ECHDC1: variants seen among roughly 807,000 people sequenced by gnomAD.
ECHDC1 encodes ethylmalonyl-CoA decarboxylase.
A neutral mutation model predicts 29.7 loss-of-function variants in ECHDC1; 29 were observed. The ratio of observed to expected loss-of-function variants is 0.98; its 90% CI spans 0.73 to 1.33. The LOEUF (loss-of-function observed/expected upper bound fraction) is 1.33, where lower values mean the gene tolerates loss of function less well. Ranked by LOEUF, ECHDC1 falls within the 40% of genes most tolerant of loss-of-function variation. The pLI is 0.00. For missense variants in ECHDC1, 328 were observed against 350.0 expected (o/e 0.94, Z 0.50); for synonymous variants, 126 against 123.1 (o/e 1.02, Z -0.15).
intron 1 of ECHDC1, among the ~76,000 whole-genome samples, chr6:127,339,228 G>C (rs1784699485): frequency 6.7e-6 from 1 of 150,134 alleles, no homozygotes; most frequent in African/African-American, 2.5e-5. Flanking sequence ...CTTATTAAAG[G>C]TAATGATATT....
chr6:127,291,869 G>A (rs948623756), intron 5 of ECHDC1, among the ~76,000 whole-genome samples: 2 of 151,982 alleles, frequency 1.3e-5, no homozygotes, highest in Non-Finnish European at 2.9e-5. Context: ...ATGAACAATT[G>A]CTTCTAGAGG....
At chr6:127,332,045 AAATAT>A (rs1386489692) in intron 1 of ECHDC1, among the ~76,000 whole-genome samples, 4 of 151,330 alleles carry the variant, frequency 2.6e-5, no homozygotes, top group Non-Finnish European at 5.9e-5. Context: ...AAAGTATATA[AAATAT>A]AAGTTACAGT....
intron 5 of ECHDC1, among the ~76,000 whole-genome samples, chr6:127,295,731 A>G (rs1780545399): frequency 6.6e-6 from 1 of 152,248 alleles, no homozygotes; most frequent in Non-Finnish European, 1.5e-5. Flanking sequence ...TGAACACTGC[A>G]TATCCTTTCA....
chr6:127,307,648 G>GAAAAAAAAAAAAAAAAAAAAAAAAAAAA (rs71024770), intron 5 of ECHDC1, among the ~76,000 whole-genome samples: 3 of 48,664 alleles, frequency 6.2e-5, no homozygotes, highest in Admixed American at 2.7e-4. Flanking sequence ...CTCTGTCTCA[G>GAAAAAAAAAAAAAAAAAAAAAAAAAAAA]AAAAAAAAAA....
intron 4 of ECHDC1, chr6:127,315,252 A>G: frequency 2.4e-6 from 1 of 420,614 alleles, no homozygotes; most frequent in Non-Finnish European, 4.6e-6. Flanking sequence ...GCTCTTCAGA[A>G]TAATTCCATG....
intron 5 of ECHDC1, among the ~76,000 whole-genome samples, chr6:127,308,798 C>A (rs148856151): frequency 3.3e-5 from 5 of 152,116 alleles, no homozygotes; most frequent in Admixed American, 2.0e-4. Context: ...AAATCAGTAG[C>A]TTTTCTATAT....
chr6:127,326,504 T>C (rs746086405), intron 3 of ECHDC1: 2 of 455,938 alleles, frequency 4.4e-6, no homozygotes, highest in Middle Eastern at 3.3e-4. Context: ...ACCATAGGAA[T>C]ATAAGATGTT....
chr6:127,340,147 A>G (rs1474046807), intron 1 of ECHDC1, among the ~76,000 whole-genome samples: 3 of 152,262 alleles, frequency 2.0e-5, no homozygotes, highest in Non-Finnish European at 2.9e-5. Flanking sequence ...CATATAATAC[A>G]TATCGTATAA....
At chr6:127,321,959 C>T (rs1782861289) in intron 3 of ECHDC1, among the ~76,000 whole-genome samples, 2 of 152,038 alleles carry the variant, frequency 1.3e-5, no homozygotes, top group African/African-American at 4.8e-5. Context: ...GCCAAGATCA[C>T]ACCACTGTAC....
intron 5 of ECHDC1, among the ~76,000 whole-genome samples, chr6:127,310,837 G>C (rs1781840870): frequency 6.6e-6 from 1 of 152,004 alleles, no homozygotes; most frequent in African/African-American, 2.4e-5. Context: ...AGTTTAAGAA[G>C]TTGTCACATC....
chr6:127,291,998 TAAAAC>T (rs889918739), intron 5 of ECHDC1, among the ~76,000 whole-genome samples: 1 of 152,126 alleles, frequency 6.6e-6, no homozygotes, highest in Non-Finnish European at 1.5e-5. Flanking sequence ...ACTGCCTTGT[TAAAAC>T]AATATCAAAA....
intron 5 of ECHDC1, among the ~76,000 whole-genome samples, chr6:127,290,889 C>T (rs1352671128): frequency 6.6e-6 from 1 of 151,924 alleles, no homozygotes; most frequent in East Asian, 1.9e-4. Flanking sequence ...GAAAATGAGG[C>T]AGGAGACAAA....
intron 1 of ECHDC1, among the ~76,000 whole-genome samples, chr6:127,335,836 T>C (rs1223046941): frequency 6.6e-6 from 1 of 152,124 alleles, no homozygotes; most frequent in Non-Finnish European, 1.5e-5. Context: ...AATGTCTTCA[T>C]CTATTGGCAA....
intron 1 of ECHDC1, among the ~76,000 whole-genome samples, chr6:127,335,990 G>A (rs1340420925): frequency 6.6e-6 from 1 of 151,984 alleles, no homozygotes; most frequent in African/African-American, 2.4e-5. Flanking sequence ...AAGGCCTCCT[G>A]AAGAACTAGA....
chr6:127,306,075 A>G (rs989061128), intron 5 of ECHDC1, among the ~76,000 whole-genome samples: 2 of 152,084 alleles, frequency 1.3e-5, no homozygotes, highest in African/African-American at 4.8e-5. Context: ...TCACCTATAA[A>G]GACACACGAA....
intron 1 of ECHDC1, among the ~76,000 whole-genome samples, chr6:127,338,241 T>C (rs565804905): frequency 3.2e-4 from 49 of 152,306 alleles, no homozygotes; most frequent in African/African-American, 1.1e-3. Flanking sequence ...ACCCCATTGT[T>C]AGCGATTTCA....
chr6:127,319,107 T>C (rs969157624), intron 3 of ECHDC1, among the ~76,000 whole-genome samples: 1 of 152,198 alleles, frequency 6.6e-6, no homozygotes, highest in Admixed American at 6.5e-5. Context: ...TATTAGCCTG[T>C]GTACTATTAT....
intron 1 of ECHDC1, among the ~76,000 whole-genome samples, chr6:127,335,990 G>C (rs1340420925): frequency 6.6e-6 from 1 of 151,984 alleles, no homozygotes; most frequent in Non-Finnish European, 1.5e-5. Flanking sequence ...AAGGCCTCCT[G>C]AAGAACTAGA....
intron 5 of ECHDC1, among the ~76,000 whole-genome samples, chr6:127,296,971 C>T (rs1780654414): frequency 1.3e-5 from 2 of 151,940 alleles, no homozygotes; most frequent in African/African-American, 4.8e-5. Flanking sequence ...TACCACTATA[C>T]ACCCCAGCCT....
Sources: gnomAD v4.1 joint callset for allele counts (sites outside exome capture counted in the v4.1 genomes callset) on GRCh38, gnomAD v4.1.1 for gene constraint, MANE v1.5 for transcripts, NCBI Gene and HGNC (gene_info 2026-07-23, HGNC 2026-07-21) for gene names.